ARHGEF37: variants seen among roughly 807,000 people sequenced by gnomAD.
ARHGEF37 encodes Rho guanine nucleotide exchange factor (GEF) 37.
Under a neutral mutation model 71.1 loss-of-function variants are expected in ARHGEF37, and 55 were observed. The observed-to-expected ratio is 0.77, with a 90% confidence interval of 0.62 to 0.97. The LOEUF (loss-of-function observed/expected upper bound fraction) is 0.97, where lower values mean the gene tolerates loss of function less well. Ranked by LOEUF, ARHGEF37 falls within the 50% of genes least tolerant of loss-of-function variation. The pLI, the probability that ARHGEF37 is intolerant of heterozygous loss-of-function variation, is 0.00. For missense variants in ARHGEF37, 765 were observed against 836.8 expected (o/e 0.91, Z 1.06); for synonymous variants, 327 against 350.6 (o/e 0.93, Z 0.75).
At chr5:149,553,005 T>C (rs13184089) in intron 1 of ARHGEF37, among the ~76,000 whole-genome samples, 100,216 of 151,910 alleles carry the variant, frequency 0.66, 34,718 homozygotes, top group East Asian at 0.99. Flanking sequence ...CAACCAACAC[T>C]CAGGGTGCCC....
chr5:149,609,333 T>G (rs1466709889), intron 3 of ARHGEF37, among the ~76,000 whole-genome samples: 1 of 152,158 alleles, frequency 6.6e-6, no homozygotes, highest in Non-Finnish European at 1.5e-5. Context: ...GCCTAAGATG[T>G]ATATCATTCT....
At chr5:149,591,936 A>C (rs1763420382) in intron 1 of ARHGEF37, among the ~76,000 whole-genome samples, 1 of 152,212 alleles carries the variant, frequency 6.6e-6, no homozygotes, top group Admixed American at 6.5e-5. Context: ...TTTTCAACTT[A>C]TAATGGGTTT....
chr5:149,620,418 A>C lies in ARHGEF37; in HGVS notation c.959A>C (p.Tyr320Ser). Residue 320 changes from tyrosine to serine, a missense_variant, in exon 8 of 13, where the codon TAT becomes TCT. By Grantham distance (144) the Tyr-to-Ser change is moderately radical (BLOSUM62 -2). Coordinates refer to ENST00000333677, the MANE Select transcript of ARHGEF37 (RefSeq NM_001001669.3). ...LDIPEGPAVQ[Y>S]CNLARDLHLE... ...ATCCCCGAGGGGCCTGCAGTGCAGT[A>C]TTGCAATTTGGCAAGAGACCTTCAC... The C allele has an allele frequency of 6.2e-7, 1 of 1,612,726 alleles. No homozygotes were observed. Among genetic ancestry groups the C allele is most frequent in the Non-Finnish European group, 8.5e-7 (1 of 1,179,440 alleles).
intron 1 of ARHGEF37, among the ~76,000 whole-genome samples, chr5:149,574,814 C>A (rs1471969248): frequency 2.0e-5 from 3 of 152,170 alleles, no homozygotes; most frequent in Non-Finnish European, 4.4e-5. Flanking sequence ...CCAAATTCTA[C>A]AGATACTCCA....
At chr5:149,622,216 ATC>A (rs1215988324) in intron 9 of ARHGEF37, among the ~76,000 whole-genome samples, 154 bp downstream of exon 9, 2 of 152,152 alleles carry the variant, frequency 1.3e-5, no homozygotes, top group African/African-American at 2.4e-5. Flanking sequence ...AACCTTCCAG[ATC>A]TCTCTCATGC....
In ARHGEF37 at chr5:149,621,756, G is replaced by A. The variant is rs371296533; in HGVS notation, c.1029G>A (p.Val343=). Residue 343 remains valine, a synonymous_variant, in exon 9 of 13, where the codon GTG becomes GTA. Transcript: ENST00000333677. ...LKFKQRLEGL[V]WQPLCSLAKA... ...AGAAGCAACGGCTAGAAGGCCTGGTGTGGCAGCCACTGTGCAGCCTGGCCA... is the reference window on the plus strand; with the variant it reads ...AGAAGCAACGGCTAGAAGGCCTGGTATGGCAGCCACTGTGCAGCCTGGCCA... 3 of 1,612,838 alleles carry A rather than the reference G, an allele frequency of 1.9e-6. No individual in the cohort carries two copies. The highest frequency in any genetic ancestry group is 2.5e-6 in the Non-Finnish European group (3 of 1,179,206).
At chr5:149,610,392 G>A (rs1764043686) in intron 4 of ARHGEF37, among the ~76,000 whole-genome samples, 1 of 152,194 alleles carries the variant, frequency 6.6e-6, no homozygotes, top group Non-Finnish European at 1.5e-5. Context: ...GAAGCCTCAG[G>A]TAGAAAAATG....
At chr5:149,556,027 C>T (rs1762750028) in intron 1 of ARHGEF37, among the ~76,000 whole-genome samples, 1 of 152,040 alleles carries the variant, frequency 6.6e-6, no homozygotes, top group East Asian at 1.9e-4. Flanking sequence ...GCAACGGTCA[C>T]TGGTATCCAG....
intron 1 of ARHGEF37, among the ~76,000 whole-genome samples, chr5:149,574,737 C>T (rs1275159233): frequency 2.0e-5 from 3 of 152,204 alleles, no homozygotes; most frequent in Non-Finnish European, 4.4e-5. Context: ...CCATCGTCCA[C>T]CTGACTATCC....
At chr5:149,573,374 G>A (rs1762989996) in intron 1 of ARHGEF37, among the ~76,000 whole-genome samples, 2 of 152,172 alleles carry the variant, frequency 1.3e-5, no homozygotes, top group South Asian at 4.1e-4. Context: ...CTCTCTGTGT[G>A]TGTATGTATA....
intron 8 of ARHGEF37, among the ~76,000 whole-genome samples, chr5:149,621,045 TA>T (rs1752525709): frequency 6.6e-6 from 1 of 152,200 alleles, no homozygotes; most frequent in South Asian, 2.1e-4. Flanking sequence ...CTACTTTGAA[TA>T]ACCCCATTCT....
intron 1 of ARHGEF37, among the ~76,000 whole-genome samples, chr5:149,570,295 C>T (rs995450712): frequency 5.9e-5 from 9 of 152,058 alleles, no homozygotes; most frequent in Non-Finnish European, 1.0e-4. Flanking sequence ...CTTATATTAC[C>T]GGGTGCAGTG....
chr5:149,567,546 A>C (rs1358549665), intron 1 of ARHGEF37, among the ~76,000 whole-genome samples: 1 of 152,170 alleles, frequency 6.6e-6, no homozygotes, highest in African/African-American at 2.4e-5. Flanking sequence ...TTATTAGTTG[A>C]ATTTTACATT....
At position 149,621,870 on chromosome 5, in the gene ARHGEF37, G is replaced by A. The variant is rs1648383395; in HGVS notation, c.1143G>A (p.Val381=). The stretch of plus-strand genomic sequence containing the variant: ...GGGTGGAAGAGAAGCTGCTGGAGGT[G>A]GGCAGTGTGACCTACCAGGAGGAGG... ...FERVEEKLLE[V]GSVTYQEEAA... The change falls in exon 9 of 13, where the codon GTG becomes GTA. Residue 381 remains valine, a synonymous_variant. Coordinates refer to ENST00000333677, the MANE Select transcript of ARHGEF37 (RefSeq NM_001001669.3). 1 of 1,614,228 alleles carries A rather than the reference G, an allele frequency of 6.2e-7. No individual in the cohort carries two copies. The highest frequency in any genetic ancestry group is 8.5e-7 in the Non-Finnish European group (1 of 1,180,048).
chr5:149,618,849 A>G (rs1372390366), intron 6 of ARHGEF37, 89 bp from the exon 7 acceptor site: 2 of 1,048,858 alleles, frequency 1.9e-6, no homozygotes, highest in East Asian at 2.4e-5. Context: ...GTCTGTGGAA[A>G]GGTTGTCCCA....
At chr5:149,603,986 CTCTTT>C (rs1159653985) in intron 3 of ARHGEF37, among the ~76,000 whole-genome samples, 3 of 152,308 alleles carry the variant, frequency 2.0e-5, no homozygotes, top group Non-Finnish European at 2.9e-5. Flanking sequence ...ACAGGTACTT[CTCTTT>C]TATCATTTGA....
At chr5:149,583,700 C>T (rs1368252578) in intron 1 of ARHGEF37, among the ~76,000 whole-genome samples, 2 of 152,182 alleles carry the variant, frequency 1.3e-5, no homozygotes, top group African/African-American at 4.8e-5. Context: ...AGCAAAATGG[C>T]ATTTGTAGAG....
chr5:149,601,018 G>A, intron 2 of ARHGEF37, 90 bp from the exon 3 acceptor site: 1 of 1,397,482 alleles, frequency 7.2e-7, no homozygotes, highest in Non-Finnish European at 9.8e-7. Context: ...TGATGGGAAT[G>A]GTGTGAGTGT....
At chr5:149,557,993 G>A (rs1391453431) in intron 1 of ARHGEF37, among the ~76,000 whole-genome samples, 1 of 151,554 alleles carries the variant, frequency 6.6e-6, no homozygotes, top group Non-Finnish European at 1.5e-5. Flanking sequence ...TGCCTCCCAA[G>A]TAGCTGGGAT....
Sources: gnomAD v4.1 joint callset for allele counts (sites outside exome capture counted in the v4.1 genomes callset) on GRCh38, gnomAD v4.1.1 for gene constraint, MANE v1.5 for transcripts, NCBI Gene and HGNC (gene_info 2026-07-23, HGNC 2026-07-21) for gene names.